TTC29: variants seen among roughly 807,000 people sequenced by gnomAD.
TTC29 encodes the protein tetratricopeptide repeat protein 29.
A neutral mutation model predicts 58.1 loss-of-function variants in TTC29; 49 were observed. That is an observed-to-expected ratio of 0.84 (90% CI 0.67 to 1.07). TTC29 has a LOEUF of 1.07. Among genes scored for constraint, TTC29 ranks in the 50% least tolerant of loss-of-function variants. The pLI is 0.00. For synonymous variants in TTC29, 209 were observed against 196.8 expected, an observed-to-expected ratio of 1.06 and a Z score of -0.52; for missense variants, 582 against 555.6, an observed-to-expected ratio of 1.05 and a Z score of -0.48.
intron 11 of TTC29, among the ~76,000 whole-genome samples, chr4:146,783,513 G>C (rs1220058104): frequency 6.6e-6 from 1 of 152,016 alleles, no homozygotes; most frequent in Non-Finnish European, 1.5e-5. Flanking sequence ...TCATCATAGG[G>C]AAATGTTTTA....
At chr4:146,710,633 T>C (rs1321796045) in intron 11 of TTC29, among the ~76,000 whole-genome samples, 3 of 152,102 alleles carry the variant, frequency 2.0e-5, no homozygotes, top group Non-Finnish European at 4.4e-5. Flanking sequence ...TGATTTGAGA[T>C]GTTTGATCTG....
chr4:146,934,209 C>T (rs1222787386), intron 4 of TTC29: 1 of 152,096 alleles, frequency 6.6e-6, no homozygotes, highest in Non-Finnish European at 1.5e-5. Flanking sequence ...GTTATATGAC[C>T]ATTTAAGCGA....
chr4:146,724,916 A>G (rs1161207716), intron 11 of TTC29, among the ~76,000 whole-genome samples: 1 of 152,166 alleles, frequency 6.6e-6, no homozygotes. Flanking sequence ...GACTTATCTT[A>G]ATTTTTATGG....
intron 11 of TTC29, among the ~76,000 whole-genome samples, chr4:146,708,317 T>TATATAA (rs1742151657): frequency 4.0e-5 from 1 of 25,218 alleles, no homozygotes; most frequent in Non-Finnish European, 1.4e-4. Context: ...TTTATATATA[T>TATATAA]ATATATATAT....
At chr4:146,727,113 T>C (rs1360241900) in intron 11 of TTC29, among the ~76,000 whole-genome samples, 1 of 151,560 alleles carries the variant, frequency 6.6e-6, no homozygotes, top group Non-Finnish European at 1.5e-5. Context: ...TTGTGTTTTA[T>C]ATTTATATGA....
intron 11 of TTC29, among the ~76,000 whole-genome samples, chr4:146,728,860 C>CACATATATATGTGTATATATATACGT (rs1561066862): frequency 3.2e-5 from 2 of 62,052 alleles, no homozygotes; most frequent in East Asian, 6.0e-4. Flanking sequence ...TATATATACA[C>CACATATATATGTGTATATATATACGT]ATATATATGT....
chr4:146,906,805 A>C (rs1274633440), intron 5 of TTC29, among the ~76,000 whole-genome samples: 4 of 152,222 alleles, frequency 2.6e-5, no homozygotes, highest in African/African-American at 9.6e-5. Context: ...ATAATCCTAC[A>C]GAAGAGACTT....
In TTC29 at chr4:146,715,840, T is replaced by C. The variant is rs1251373527; in HGVS notation, c.1331-8289A>G. ...ATGCTAATTACCCTGATTTGATCAT[T>C]ACACATTGTAAACACGTATCAAAAT... On this transcript the variant is annotated intron_variant, in intron 11 of 12. Transcript: ENST00000325106. Among the ~76,000 whole-genome samples the C allele has an allele frequency of 2.6e-5, 4 of 152,192 alleles. No homozygotes were observed. The East Asian group carries it at 7.7e-4, about 29-fold the overall frequency.
chr4:146,891,359 G>T (rs1366469133), intron 6 of TTC29, among the ~76,000 whole-genome samples: 1 of 152,090 alleles, frequency 6.6e-6, no homozygotes, highest in Non-Finnish European at 1.5e-5. Flanking sequence ...GGGGGAGAAA[G>T]GCTATAGAGC....
intron 4 of TTC29, among the ~76,000 whole-genome samples, chr4:146,934,924 AC>A (rs1288922463): frequency 3.9e-5 from 6 of 152,154 alleles, no homozygotes; most frequent in African/African-American, 1.4e-4. Flanking sequence ...TTTAGAGTCA[AC>A]TGAGGCAAAA....
intron 11 of TTC29, among the ~76,000 whole-genome samples, chr4:146,713,287 T>TTCATCC (rs1554003627): frequency 6.7e-6 from 1 of 149,962 alleles, no homozygotes; most frequent in Non-Finnish European, 1.5e-5. Flanking sequence ...TTTATTCGTT[T>TTCATCC]TCCTCCTCCT....
At chr4:146,742,334 G>A (rs1328094291) in intron 11 of TTC29, among the ~76,000 whole-genome samples, 8 of 152,084 alleles carry the variant, frequency 5.3e-5, no homozygotes, top group Non-Finnish European at 1.2e-4. Context: ...GGCACTTTTG[G>A]AGTAGCAAAA....
chr4:146,921,950 TACATCCATGAC>T (rs1365342851), intron 4 of TTC29, among the ~76,000 whole-genome samples: 1 of 142,306 alleles, frequency 7.0e-6, no homozygotes, highest in Non-Finnish European at 1.5e-5. Context: ...TCCATGGATA[TACATCCATGAC>T]ACACTTACTA....
Position 146,707,050 on chromosome 4 carries a change from G to A in TTC29, c.*108C>T, listed in dbSNP as rs918757177. 113 of 779,348 alleles carry A rather than the reference G, an allele frequency of 1.4e-4. No individual in the cohort carries two copies. Among genetic ancestry groups the A allele is most frequent in the East Asian group, 1.2e-3 (38 of 31,588 alleles). The allele number at this position is 779,348 out of a possible 1,614,324, so 48.3% of individuals were successfully genotyped here. On this transcript the variant is annotated 3_prime_UTR_variant, in exon 13 of 13. Transcript: ENST00000325106. Reference sequence around the variant, plus strand: ...AATCCAATGAAAAGAGTCATAGTCCGTTTTATTATAACTCTATATTATCTG... The same window carrying A: ...AATCCAATGAAAAGAGTCATAGTCCATTTTATTATAACTCTATATTATCTG...
At chr4:146,900,085 C>T (rs1444695403) in intron 6 of TTC29, among the ~76,000 whole-genome samples, 1 of 152,136 alleles carries the variant, frequency 6.6e-6, no homozygotes, top group Non-Finnish European at 1.5e-5. Context: ...TCCTAGTTCA[C>T]TTTTTTTAGG....
intron 11 of TTC29, among the ~76,000 whole-genome samples, chr4:146,790,524 A>G (rs536107957): frequency 6.9e-6 from 1 of 145,954 alleles, no homozygotes; most frequent in East Asian, 2.0e-4. Context: ...TACCTGCTTT[A>G]TTTTTTTTTT....
chr4:146,854,800 A>G (rs1729734063), intron 8 of TTC29, among the ~76,000 whole-genome samples: 1 of 152,142 alleles, frequency 6.6e-6, no homozygotes, highest in South Asian at 2.1e-4. Flanking sequence ...TAACTTTCTA[A>G]TGTTTTGCCT....
At chr4:146,916,939 T>C (rs1260628925) in intron 4 of TTC29, among the ~76,000 whole-genome samples, 1 of 151,362 alleles carries the variant, frequency 6.6e-6, no homozygotes, top group Admixed American at 6.6e-5. Context: ...ATCCAATTCT[T>C]ATTTTTGGAA....
intron 11 of TTC29, among the ~76,000 whole-genome samples, chr4:146,712,453 T>G (rs1330268443): frequency 6.6e-6 from 1 of 152,144 alleles, no homozygotes; most frequent in East Asian, 1.9e-4. Context: ...TGGTCTACCT[T>G]GTAACTGATG....
Sources: gnomAD v4.1 joint callset for allele counts (sites outside exome capture counted in the v4.1 genomes callset) on GRCh38, gnomAD v4.1.1 for gene constraint, MANE v1.5 for transcripts, NCBI Gene and HGNC (gene_info 2026-07-23, HGNC 2026-07-21) for gene names.